The following SHISA3 variants were observed in gnomAD, a reference collection of about 807,000 sequenced individuals.
SHISA3 encodes the protein protein shisa-3 homolog.
Under a neutral mutation model 19.2 loss-of-function variants are expected in SHISA3, and 15 were observed. The observed-to-expected ratio is 0.78, with a 90% CI of 0.52 to 1.20. SHISA3 has a LOEUF of 1.20. Among genes scored for constraint, SHISA3 ranks in the 50% most tolerant of loss-of-function variants. SHISA3 has a pLI of 0.00. For missense variants in SHISA3, 327 were observed against 315.7 expected (o/e 1.04, Z -0.27); for synonymous variants, 145 against 135.2 (o/e 1.07, Z -0.50).
chr4:42,400,952 A>C (rs1711892264), intron 1 of SHISA3, 60 bp from the exon 2 acceptor site: 2 of 1,544,862 alleles, frequency 1.3e-6, no homozygotes, highest in African/African-American at 2.7e-5. Context: ...GCCCAAGCAG[A>C]GTTCAGAATC....
chr4:42,397,933 G>T lies in SHISA3; in HGVS notation c.-124G>T, dbSNP rs923539107. The T allele has an allele frequency of 2.0e-6, 2 of 993,424 alleles. No homozygotes were observed. Among genetic ancestry groups the T allele is most frequent in the Non-Finnish European group, 2.8e-6 (2 of 706,810 alleles). 61.5% of individuals were successfully genotyped at this position (993,424 alleles called of 1,614,324 possible). On this transcript the variant is annotated 5_prime_UTR_variant, in exon 1 of 2. Transcript: ENST00000319234. ...ATCCCACGCAGGACTGGCTTCGGCC[G>T]CCGGGGCCAGCAGCTTGCGACGTGT...
intron 1 of SHISA3, 113 bp downstream of exon 1, chr4:42,398,446 G>A: frequency 8.4e-7 from 1 of 1,187,834 alleles, no homozygotes; most frequent in Non-Finnish European, 1.1e-6. Flanking sequence ...CTGGGTCTGT[G>A]CGCCAGGGGG....
chr4:42,398,999 C>T (rs181935258), intron 1 of SHISA3, among the ~76,000 whole-genome samples: 60 of 152,264 alleles, frequency 3.9e-4, no homozygotes, highest in African/African-American at 1.3e-3. Context: ...GGGGCTTCCC[C>T]GCCCCCTATT....
At position 42,398,075 on chromosome 4, in the gene SHISA3, C is replaced by A; in HGVS notation, c.19C>A (p.Leu7Ile). 6.3e-7 allele frequency: 1 copy of A among 1,598,016 alleles called. No individual in the cohort carries two copies. Among genetic ancestry groups the A allele is most frequent in the Middle Eastern group, 1.7e-4 (1 of 5,828 alleles). Residue 7 changes from leucine to isoleucine, a missense_variant, in exon 1 of 2, where the codon CTT (leucine) becomes ATT (isoleucine). Transcript: ENST00000319234. Reference sequence around the variant, plus strand: ...AGTGGCGATGAGGGCACTGCTGGCGCTTTGCCTTCTCCTTGGCTGGCTGCG... The same window carrying A: ...AGTGGCGATGAGGGCACTGCTGGCGATTTGCCTTCTCCTTGGCTGGCTGCG... MRALLA[L>I]CLLLGWLRWG...
intron 1 of SHISA3, among the ~76,000 whole-genome samples, chr4:42,398,924 C>G (rs143657533): frequency 0.016 from 2,491 of 152,266 alleles, 17 homozygotes; most frequent in Middle Eastern, 0.027. Context: ...CGGCCCACCC[C>G]CTATTGTCAC....
At chr4:42,400,449 C>G in intron 1 of SHISA3, among the ~76,000 whole-genome samples, 1 of 152,178 alleles carries the variant, frequency 6.6e-6, no homozygotes, top group East Asian at 1.9e-4. Context: ...GTAGGAGACA[C>G]AGTCGATTGG....
At position 42,397,994 on chromosome 4, in the gene SHISA3, C is replaced by T. The variant is rs1312886573; in HGVS notation, c.-63C>T. ...GCGGAATCGCTGTGCGCCCTGAGCC[C>T]GGGCTCAGCCCTTCGCTTTCCAGCT... is the stretch of plus-strand genomic sequence containing the variant. On this transcript the variant is annotated 5_prime_UTR_variant, in exon 1 of 2. Transcript: ENST00000319234. The T allele has an allele frequency of 3.5e-6, 5 of 1,423,760 alleles. No individual in the cohort carries two copies. The highest frequency in any genetic ancestry group is 1.5e-5 in the South Asian group (1 of 67,618). 88.2% of individuals were successfully genotyped at this position (1,423,760 alleles called of 1,614,324 possible). A position where few individuals can be genotyped will look rare whatever the true frequency, so the allele number is the denominator to read the frequency against.
At chr4:42,398,455 G>A (rs1711813366) in intron 1 of SHISA3, 122 bp downstream of exon 1, 1 of 1,097,068 alleles carries the variant, frequency 9.1e-7, no homozygotes, top group Non-Finnish European at 1.3e-6. Flanking sequence ...TGCGCCAGGG[G>A]GACGCGGCCG....
In SHISA3 at chr4:42,402,298, ATTAT is replaced by A. The variant is rs559711362; in HGVS notation, c.*851_*854del. 1.9e-3 allele frequency: 283 copies of A among 152,288 alleles called. 1 individual carries two copies. The highest frequency in any genetic ancestry group is 6.5e-3 in the African/African-American group (271 of 41,562). The allele number at this position is 152,288 out of a possible 1,614,324, so 9.4% of individuals were successfully genotyped here. A position where few individuals can be genotyped will look rare whatever the true frequency, so the allele number is the denominator to read the frequency against. On this transcript the variant is annotated 3_prime_UTR_variant, in exon 2 of 2. Transcript: ENST00000319234. ...TGTATTTACCACATTGACTGTACTA[ATTAT>A]TTAGTAGTCATACTGTAATTTTTAT...
chr4:42,400,264 G>A (rs912630565), intron 1 of SHISA3, among the ~76,000 whole-genome samples: 1 of 152,180 alleles, frequency 6.6e-6, no homozygotes, highest in Non-Finnish European at 1.5e-5. Context: ...CTCTGTTTGA[G>A]GGATGCTTTT....
rs1184081884 is a variant in SHISA3 at position 42,398,260 on chromosome 4, G to A, written c.204G>A (p.Ala68=). 7 of 1,570,122 alleles carry A rather than the reference G, an allele frequency of 4.5e-6. No homozygotes were observed. The highest frequency in any genetic ancestry group is 3.7e-5 in the Admixed American group (2 of 54,016). The change falls in exon 1 of 2, where the codon GCG becomes GCA. Residue 68 remains alanine (A), a synonymous_variant. Coordinates refer to ENST00000319234, the MANE Select transcript of SHISA3 (RefSeq NM_001080505.3). ...GCGCGCTCCGCTACTGTTGCGCCGCGGCCGACGCCAGGCTGGAGCAGGGCG... is the reference window on the plus strand; with the variant it reads ...GCGCGCTCCGCTACTGTTGCGCCGCAGCCGACGCCAGGCTGGAGCAGGGCG... ...GSCALRYCCA[A]ADARLEQGGC... is the part of the protein sequence containing the mutation.
In SHISA3 at chr4:42,401,014, C is replaced by T. The variant is rs1479090771; in HGVS notation, c.280C>T (p.Pro94Ser). The change falls in exon 2 of 2, where the codon CCT (proline) becomes TCT (serine). Residue 94 changes from proline (P) to serine (S), a missense_variant and splice_region_variant. Physicochemically the swap from Pro to Ser is moderately conservative, Grantham distance 74 (BLOSUM62 -1). Coordinates refer to ENST00000319234, the MANE Select transcript of SHISA3 (RefSeq NM_001080505.3). Reference protein sequence around the residue: ...ELEHPGITAQPVYVPFLIVGS... With the variant: ...ELEHPGITAQSVYVPFLIVGS... Reference sequence around the variant, plus strand: ...TTATGTCTGTTTTTGCCTTTTAGAGCCTGTCTACGTCCCCTTTCTCATCGT... The same window carrying T: ...TTATGTCTGTTTTTGCCTTTTAGAGTCTGTCTACGTCCCCTTTCTCATCGT... 2 of 1,612,988 alleles carry T rather than the reference C, an allele frequency of 1.2e-6. No individual in the cohort carries two copies. Among genetic ancestry groups the T allele is most frequent in the Admixed American group, 3.3e-5 (2 of 59,948 alleles).
chr4:42,397,563 G>A lies in SHISA3; in HGVS notation c.-494G>A, dbSNP rs1711764888. Among the ~76,000 whole-genome samples the A allele has an allele frequency of 6.6e-6, 1 of 152,216 alleles. No individual in the cohort carries two copies. The highest frequency in any genetic ancestry group is 1.5e-5 in the Non-Finnish European group (1 of 68,030). ...CCTGTGACAGATAGGGGCTGGGGCTGAGCGGCCGCCTGTCTGGGGTACTCG... is the reference window on the plus strand; with the variant it reads ...CCTGTGACAGATAGGGGCTGGGGCTAAGCGGCCGCCTGTCTGGGGTACTCG... On this transcript the variant is annotated 5_prime_UTR_variant, in exon 1 of 2. Coordinates refer to ENST00000319234, the MANE Select transcript of SHISA3 (RefSeq NM_001080505.3).
chr4:42,401,144 C>T lies in SHISA3; in HGVS notation c.410C>T (p.Ser137Leu). Residue 137 changes from serine to leucine, a missense_variant, in exon 2 of 2, where the codon TCA becomes TTA. Transcript: ENST00000319234. Reference sequence around the variant, plus strand: ...CCCTCGCAGCAGCCAATCCGCTTCTCACTCCGCAGCTATCAGACAGAGACC... The same window carrying T: ...CCCTCGCAGCAGCCAATCCGCTTCTTACTCCGCAGCTATCAGACAGAGACC... ...KEPSQQPIRFSLRSYQTETLP... is the reference protein window; with the variant it reads ...KEPSQQPIRFLLRSYQTETLP... 1.2e-6 allele frequency: 2 copies of T among 1,614,240 alleles called. No individual in the cohort carries two copies. The highest frequency in any genetic ancestry group is 1.6e-4 in the Middle Eastern group (1 of 6,062).
At chr4:42,400,150 C>T (rs1711865830) in intron 1 of SHISA3, among the ~76,000 whole-genome samples, 2 of 152,228 alleles carry the variant, frequency 1.3e-5, no homozygotes, top group South Asian at 2.1e-4. Context: ...TGCGTCTTAG[C>T]ACGGCTCTAT....
At chr4:42,398,388 A>G in intron 1 of SHISA3, 55 bp downstream of exon 1, 3 of 1,415,606 alleles carry the variant, frequency 2.1e-6, no homozygotes, top group Admixed American at 2.4e-5. Flanking sequence ...CGGCGGCTGC[A>G]TGTGTGCGCG....
chr4:42,398,824 CT>C (rs11311921), intron 1 of SHISA3, among the ~76,000 whole-genome samples: 38,343 of 151,678 alleles, frequency 0.25, 4,949 homozygotes, highest in African/African-American at 0.29. Flanking sequence ...ACCCCAGTCA[CT>C]TTTTTTTTCT....
At chr4:42,398,440 G>T in intron 1 of SHISA3, 107 bp downstream of exon 1, 1 of 1,232,110 alleles carries the variant, frequency 8.1e-7, no homozygotes, top group Middle Eastern at 2.7e-4. Flanking sequence ...GCCTTCCTGG[G>T]TCTGTGCGCC....
At position 42,397,498 on chromosome 4, in the gene SHISA3, C is replaced by T. The variant is rs1453471300; in HGVS notation, c.-559C>T. On this transcript the variant is annotated 5_prime_UTR_variant, in exon 1 of 2. Coordinates refer to ENST00000319234, the MANE Select transcript of SHISA3 (RefSeq NM_001080505.3). ...GCGGGCAGAGCTGTCAGCAACCCCG[C>T]GGCCGTTTGTACTTGGCCGCGGCGG... 6.6e-6 allele frequency among the ~76,000 whole-genome samples: 1 copy of T among 152,232 alleles called. No individual in the cohort carries two copies. The highest frequency in any genetic ancestry group is 1.5e-5 in the Non-Finnish European group (1 of 68,032).
Sources: allele counts gnomAD v4.1 joint callset (sites outside exome capture counted in the v4.1 genomes callset), GRCh38; gene constraint gnomAD v4.1.1; transcripts MANE v1.5; gene names NCBI Gene and HGNC (gene_info 2026-07-23, HGNC 2026-07-21).